Variants in PTPRM observed in about 807,000 individuals in gnomAD.
PTPRM encodes the protein protein tyrosine phosphatase receptor type M.
PTPRM carries 47 observed loss-of-function variants against 186.7 expected under a neutral mutation model. That is an observed-to-expected ratio of 0.25 (90% confidence interval 0.20 to 0.32). PTPRM has a LOEUF of 0.32. Among genes scored for constraint, PTPRM ranks in the 10% least tolerant of loss-of-function variants. The pLI, the probability that PTPRM is intolerant of heterozygous loss-of-function variation, is 1.00. For synonymous variants in PTPRM, 668 were observed against 674.9 expected, an observed-to-expected ratio of 0.99 and a Z score of 0.16; for missense variants, 1,494 against 1,865.0, an observed-to-expected ratio of 0.80 and a Z score of 3.66.
At chr18:7,901,672 A>G (rs1421597808) in intron 3 of PTPRM, among the ~76,000 whole-genome samples, 2 of 152,194 alleles carry the variant, frequency 1.3e-5, no homozygotes, top group African/African-American at 4.8e-5. Context: ...CCTGAGCTGC[A>G]TGTTTTAATC....
intron 14 of PTPRM, among the ~76,000 whole-genome samples, chr18:8,164,520 A>T (rs2093287406): frequency 1.3e-5 from 2 of 152,220 alleles, no homozygotes; most frequent in Non-Finnish European, 2.9e-5. Flanking sequence ...TCAGTCTTAA[A>T]AAGGAAGGAA....
intron 14 of PTPRM, among the ~76,000 whole-genome samples, chr18:8,184,750 TTGA>T (rs1363232414): frequency 6.6e-6 from 1 of 152,256 alleles, no homozygotes; most frequent in African/African-American, 2.4e-5. Flanking sequence ...GGATTTATTT[TTGA>T]TGTTTAACCT....
At chr18:8,348,637 C>T (rs1005171070) in intron 23 of PTPRM, among the ~76,000 whole-genome samples, 1 of 152,196 alleles carries the variant, frequency 6.6e-6, no homozygotes, top group African/African-American at 2.4e-5. Flanking sequence ...CCATTTACAC[C>T]GTTTGTGTGG....
chr18:8,201,496 T>C (rs2093856161), intron 14 of PTPRM, among the ~76,000 whole-genome samples: 1 of 152,230 alleles, frequency 6.6e-6, no homozygotes, highest in African/African-American at 2.4e-5. Context: ...GTGCTATTAC[T>C]ATATCTATTT....
intron 1 of PTPRM, among the ~76,000 whole-genome samples, chr18:7,697,941 A>G (rs975719448): frequency 6.6e-6 from 1 of 152,210 alleles, no homozygotes; most frequent in Non-Finnish European, 1.5e-5. Flanking sequence ...TAAAAACTGA[A>G]AGGCAAATGA....
intron 7 of PTPRM, among the ~76,000 whole-genome samples, chr18:8,018,300 A>C (rs950046567): frequency 6.6e-6 from 1 of 152,152 alleles, no homozygotes; most frequent in African/African-American, 2.4e-5. Context: ...AAACAATAAT[A>C]TTAGGTATTT....
chr18:8,056,763 A>T (rs2087985770), intron 7 of PTPRM, among the ~76,000 whole-genome samples: 1 of 151,892 alleles, frequency 6.6e-6, no homozygotes, highest in Non-Finnish European at 1.5e-5. Context: ...AAAAAAAAAA[A>T]AATGGAACAT....
chr18:8,357,429 C>G (rs998304224), intron 23 of PTPRM, among the ~76,000 whole-genome samples: 2 of 152,144 alleles, frequency 1.3e-5, no homozygotes, highest in African/African-American at 4.8e-5. Context: ...AGCTATCCCC[C>G]CAATTTGTCA....
Position 8,376,550 on chromosome 18 carries a change from T to G in PTPRM, c.3415T>G (p.Cys1139Gly). The part of the protein sequence containing the change: ...EREGVVDIYN[C>G]VRELRSRRVN... ...GGAAGGGGTCGTAGACATCTACAAC[T>G]GCGTCAGGGAGCTGCGGTCACGGAG... is the stretch of plus-strand genomic sequence containing the variant. Residue 1139 changes from cysteine to glycine, a missense_variant, in exon 26 of 33, where the codon TGC (cysteine) becomes GGC (glycine). Cys to Gly is a radical substitution (Grantham distance 159). Coordinates refer to ENST00000580170, the MANE Select transcript of PTPRM (RefSeq NM_001105244.2). 1 of 1,613,942 alleles carries G rather than the reference T, an allele frequency of 6.2e-7. No individual in the cohort carries two copies. The highest frequency in any genetic ancestry group is 1.3e-5 in the African/African-American group (1 of 74,974).
At position 8,319,088 on chromosome 18, in the gene PTPRM, T is replaced by G; in HGVS notation, c.2920-90T>G. The G allele has an allele frequency of 3.5e-6, 3 of 868,518 alleles. No homozygotes were observed. In the South Asian group the frequency reaches 4.5e-5, roughly 13 times the overall value. The allele number at this position is 868,518 out of a possible 1,614,324, so 53.8% of individuals were successfully genotyped here. On this transcript the variant is annotated intron_variant, in intron 21 of 32. Transcript: ENST00000580170. ...GGTGATGCAGCTATTGGCGTTTGTG[T>G]GCACATTCCTTTCAGCAAAGTTAGC...
At chr18:7,945,538 C>T (rs2052467545) in intron 5 of PTPRM, among the ~76,000 whole-genome samples, 1 of 151,910 alleles carries the variant, frequency 6.6e-6, no homozygotes, top group Non-Finnish European at 1.5e-5. Context: ...TTGACCTGGG[C>T]TTCTTAGCCT....
chr18:8,296,903 A>G (rs1314518538), intron 20 of PTPRM, among the ~76,000 whole-genome samples: 1 of 152,210 alleles, frequency 6.6e-6, no homozygotes, highest in East Asian at 1.9e-4. Flanking sequence ...TAAGGACAGG[A>G]AACTGAAACT....
chr18:7,900,067 TAATC>T (rs1021913582), intron 3 of PTPRM, among the ~76,000 whole-genome samples: 5 of 152,216 alleles, frequency 3.3e-5, no homozygotes, highest in Non-Finnish European at 5.9e-5. Flanking sequence ...GCTTTCTTGT[TAATC>T]AGAGTATTGA....
intron 7 of PTPRM, among the ~76,000 whole-genome samples, chr18:7,978,455 C>A (rs945521912): frequency 7.2e-5 from 11 of 152,174 alleles, no homozygotes. Context: ...TATTTGACCA[C>A]TAAATGGACT....
At chr18:8,195,728 G>C (rs1049251685) in intron 14 of PTPRM, among the ~76,000 whole-genome samples, 2 of 152,146 alleles carry the variant, frequency 1.3e-5, no homozygotes, top group African/African-American at 4.8e-5. Flanking sequence ...ATAGACATTG[G>C]AGACTCCAGT....
At chr18:8,400,554 G>A (rs1221501093) in intron 32 of PTPRM, among the ~76,000 whole-genome samples, 3 of 152,166 alleles carry the variant, frequency 2.0e-5, no homozygotes, top group Admixed American at 6.5e-5. Context: ...GAGGATCAGC[G>A]GGCCTCTCCC....
At chr18:7,802,621 T>C (rs1372022188) in intron 2 of PTPRM, among the ~76,000 whole-genome samples, 1 of 152,238 alleles carries the variant, frequency 6.6e-6, no homozygotes. Flanking sequence ...TTTAACGCTG[T>C]ATTGCAATTT....
intron 14 of PTPRM, among the ~76,000 whole-genome samples, chr18:8,238,686 C>T (rs1186573446): frequency 3.5e-5 from 2 of 57,532 alleles, no homozygotes; most frequent in South Asian, 7.7e-4. Flanking sequence ...TTTTTTTTTG[C>T]GAAGCTACAC....
intron 1 of PTPRM, among the ~76,000 whole-genome samples, chr18:7,709,164 A>G (rs2033905512): frequency 6.6e-6 from 1 of 152,148 alleles, no homozygotes; most frequent in African/African-American, 2.4e-5. Flanking sequence ...GATAGACCAC[A>G]AAACAAGTCT....
Sources: gnomAD v4.1 joint callset for allele counts (sites outside exome capture counted in the v4.1 genomes callset) on GRCh38, gnomAD v4.1.1 for gene constraint, MANE v1.5 for transcripts, NCBI Gene and HGNC (gene_info 2026-07-23, HGNC 2026-07-21) for gene names.